The following MICU1 variants were observed in gnomAD, a reference collection of about 807,000 sequenced individuals.
MICU1 encodes mitochondrial calcium uptake 1.
A neutral mutation model predicts 56.8 loss-of-function variants in MICU1; 45 were observed. The ratio of observed to expected loss-of-function variants is 0.79; its 90% CI spans 0.62 to 1.02. MICU1 has a LOEUF of 1.02. MICU1 is among the 50% of genes least tolerant of loss of function. The pLI is 0.00. For missense variants in MICU1, 504 were observed against 587.1 expected, an observed-to-expected ratio of 0.86 and a Z score of 1.46; for synonymous variants, 186 against 195.1, an observed-to-expected ratio of 0.95 and a Z score of 0.39.
intron 10 of MICU1, among the ~76,000 whole-genome samples, chr10:72,384,527 C>G (rs1862825877): frequency 6.6e-6 from 1 of 152,110 alleles, no homozygotes. Flanking sequence ...CATCTCTTCT[C>G]TTTGTGATGT....
At position 72,566,779 on chromosome 10, in the gene MICU1, G is replaced by A; in HGVS notation, c.15C>T (p.Asn5=). Residue 5 remains asparagine, a synonymous_variant, in exon 2 of 12, where the codon AAC becomes AAT. Transcript: ENST00000361114. The part of the protein sequence containing the change: MFRL[N]SLSALAELAV... ...CCAGTTCTGCCAAAGCAGAAAGTGAGTTCAGACGAAACATCCTGTGGACAA... is the reference window on the plus strand; with the variant it reads ...CCAGTTCTGCCAAAGCAGAAAGTGAATTCAGACGAAACATCCTGTGGACAA... The A allele has an allele frequency of 1.9e-6, 3 of 1,610,838 alleles. No homozygotes were observed. Among genetic ancestry groups the A allele is most frequent in the East Asian group, 2.2e-5 (1 of 44,788 alleles).
At chr10:72,503,077 C>A (rs1340287032) in intron 6 of MICU1, 1 of 152,808 alleles carries the variant, frequency 6.5e-6, no homozygotes, top group Non-Finnish European at 1.5e-5. Flanking sequence ...CACTGTGGGT[C>A]TAGGGACAGG....
intron 5 of MICU1, among the ~76,000 whole-genome samples, chr10:72,517,007 G>A (rs768905069): frequency 3.3e-5 from 5 of 152,124 alleles, no homozygotes; most frequent in Non-Finnish European, 5.9e-5. Context: ...AATTTATAGA[G>A]TATCCAAAAC....
intron 10 of MICU1, among the ~76,000 whole-genome samples, chr10:72,404,752 A>C (rs1863572696): frequency 1.3e-5 from 2 of 152,214 alleles, no homozygotes; most frequent in Admixed American, 6.5e-5. Context: ...TTACTTAAAA[A>C]ATTAAATTAT....
At chr10:72,518,546 A>G (rs1867723770) in intron 5 of MICU1, among the ~76,000 whole-genome samples, 2 of 152,232 alleles carry the variant, frequency 1.3e-5, no homozygotes. Flanking sequence ...ATGTGAGATT[A>G]GGTAATAAAT....
chr10:72,590,861 A>G (rs199656346), intron 1 of MICU1, among the ~76,000 whole-genome samples: 2 of 145,066 alleles, frequency 1.4e-5, no homozygotes, highest in Non-Finnish European at 3.1e-5. Context: ...AAAAAAAAAA[A>G]CAGAAGACAA....
intron 10 of MICU1, among the ~76,000 whole-genome samples, chr10:72,390,466 A>T (rs1863032355): frequency 6.6e-6 from 1 of 152,172 alleles, no homozygotes; most frequent in South Asian, 2.1e-4. Flanking sequence ...CATTTTCCAA[A>T]CTTATTTGAA....
intron 10 of MICU1, among the ~76,000 whole-genome samples, chr10:72,395,778 A>T (rs2132076423): frequency 6.6e-6 from 1 of 152,314 alleles, no homozygotes; most frequent in East Asian, 1.9e-4. Flanking sequence ...AGCAGCTGGG[A>T]AGCTCAAACT....
chr10:72,400,866 T>TACACACAC (rs61091649), intron 10 of MICU1, among the ~76,000 whole-genome samples: 120 of 142,338 alleles, frequency 8.4e-4, no homozygotes, highest in South Asian at 3.0e-3. Flanking sequence ...CTGGTGGTGC[T>TACACACAC]ACACACACAC....
intron 3 of MICU1, among the ~76,000 whole-genome samples, chr10:72,552,833 C>T (rs753610412): frequency 6.6e-6 from 1 of 152,196 alleles, no homozygotes; most frequent in Non-Finnish European, 1.5e-5. Flanking sequence ...GGATTACAGG[C>T]GTGAGCCACC....
intron 1 of MICU1, among the ~76,000 whole-genome samples, chr10:72,606,208 T>C (rs1841686798): frequency 6.6e-6 from 1 of 151,736 alleles, no homozygotes; most frequent in African/African-American, 2.4e-5. Flanking sequence ...AATGCAAATA[T>C]TTAATTAAAA....
rs142938259 is a variant in MICU1 at position 72,426,855 on chromosome 10, A to G, written c.934-3484T>C. Among the ~76,000 whole-genome samples, 337 of 152,332 alleles carry G rather than the reference A, an allele frequency of 2.2e-3. 2 individuals are homozygous for G. The East Asian group carries it at 0.027, about 12-fold the overall frequency. ...ACTCCTGGAGTGCCATATACATGTA[A>G]TCAATCCCCAAGGTTGTGGGAGGAT... On this transcript the variant is annotated intron_variant, in intron 8 of 11. Coordinates refer to ENST00000361114, the MANE Select transcript of MICU1 (RefSeq NM_001195518.2).
rs375883203 is a variant in MICU1 at position 72,600,339 on chromosome 10, G to C, written c.-2+25671C>G. On this transcript the variant is annotated intron_variant, in intron 1 of 11. Coordinates refer to ENST00000361114, the MANE Select transcript of MICU1 (RefSeq NM_001195518.2). ...TACAATAAAAATGAGTCTTCTTTCT[G>C]TGGAATTGTGAGGAAAGAAAAATTT... Among the ~76,000 whole-genome samples, 62 of 149,146 alleles carry C rather than the reference G, an allele frequency of 4.2e-4. No homozygotes were observed. In the East Asian group the frequency reaches 8.5e-3, roughly 20 times the overall value.
chr10:72,457,706 GAGAA>G (rs1865515159), intron 8 of MICU1, among the ~76,000 whole-genome samples: 3 of 152,018 alleles, frequency 2.0e-5, no homozygotes, highest in Admixed American at 2.0e-4. Flanking sequence ...GAGGGAGAGA[GAGAA>G]AGAGTGGGGA....
At chr10:72,568,563 A>G in intron 1 of MICU1, among the ~76,000 whole-genome samples, 1 of 152,096 alleles carries the variant, frequency 6.6e-6, no homozygotes. Flanking sequence ...CATAATGAAC[A>G]GACTTCAGCC....
At chr10:72,593,816 A>G (rs1252281624) in intron 1 of MICU1, among the ~76,000 whole-genome samples, 1 of 152,182 alleles carries the variant, frequency 6.6e-6, no homozygotes, top group Non-Finnish European at 1.5e-5. Context: ...TTAACCAAGG[A>G]AGTAAAAAAA....
chr10:72,445,837 T>C (rs942029410), intron 8 of MICU1, among the ~76,000 whole-genome samples: 3 of 152,196 alleles, frequency 2.0e-5, no homozygotes, highest in African/African-American at 7.2e-5. Flanking sequence ...TTGGGATTAC[T>C]GTGAGGGTAA....
At chr10:72,567,630 T>C (rs1370864905) in intron 1 of MICU1, among the ~76,000 whole-genome samples, 1 of 152,140 alleles carries the variant, frequency 6.6e-6, no homozygotes, top group Non-Finnish European at 1.5e-5. Flanking sequence ...GCCAGCGGAA[T>C]TTGTTGGGAA....
intron 4 of MICU1, among the ~76,000 whole-genome samples, chr10:72,548,624 TG>T (rs1257829937): frequency 2.6e-5 from 4 of 152,226 alleles, no homozygotes; most frequent in African/African-American, 4.8e-5. Context: ...AGCTAAGTGA[TG>T]TAAACATATG....
Sources: gnomAD v4.1 joint callset for allele counts (sites outside exome capture counted in the v4.1 genomes callset) on GRCh38, gnomAD v4.1.1 for gene constraint, MANE v1.5 for transcripts, NCBI Gene and HGNC (gene_info 2026-07-23, HGNC 2026-07-21) for gene names.